The following SLC39A14 variants were observed in gnomAD, a reference collection of about 807,000 sequenced individuals.
SLC39A14 encodes the protein metal cation symporter ZIP14.
Under a neutral mutation model 45.5 loss-of-function variants are expected in SLC39A14, and 19 were observed. The ratio of observed to expected loss-of-function variants is 0.42; its 90% CI spans 0.29 to 0.61. The LOEUF is 0.61. Ranked by LOEUF, SLC39A14 falls within the 20% of genes least tolerant of loss-of-function variation. The pLI, the probability that SLC39A14 is intolerant of heterozygous loss-of-function variation, is 0.22. For synonymous variants in SLC39A14, 264 were observed against 251.3 expected (o/e 1.05, Z -0.48); for missense variants, 447 against 616.5 (o/e 0.73, Z 2.91).
At chr8:22,431,012 G>T (rs1390690638) in intron 8 of SLC39A14, among the ~76,000 whole-genome samples, 1 of 144,852 alleles carries the variant, frequency 6.9e-6, no homozygotes, top group African/African-American at 2.6e-5. Flanking sequence ...TTTTTTGATG[G>T]AGTCTCCCTC....
At chr8:22,397,899 G>C (rs761346992) in intron 1 of SLC39A14, among the ~76,000 whole-genome samples, 5 of 152,218 alleles carry the variant, frequency 3.3e-5, no homozygotes, top group African/African-American at 9.7e-5. Context: ...AACCCCAAGA[G>C]AGTGGTGGGA....
At chr8:22,425,287 T>G (rs1836365353), downstream of SLC39A14, among the ~76,000 whole-genome samples, 1 of 152,230 alleles carries the variant, frequency 6.6e-6, no homozygotes, top group African/African-American at 2.4e-5. Context: ...TAGCCATCTC[T>G]TTGTAATACT....
intron 1 of SLC39A14, among the ~76,000 whole-genome samples, chr8:22,382,134 T>C (rs1010966926): frequency 2.0e-5 from 3 of 151,924 alleles, no homozygotes; most frequent in African/African-American, 7.3e-5. Flanking sequence ...AGAGTGAGAC[T>C]CTGTCTCAAA....
At chr8:22,406,399 G>A (rs574736083) in intron 2 of SLC39A14, among the ~76,000 whole-genome samples, 2 of 150,748 alleles carry the variant, frequency 1.3e-5, no homozygotes. Context: ...CAAAAGTTGG[G>A]GGGGAGGAGC....
chr8:22,382,226 CGTT>C (rs1833553050), intron 1 of SLC39A14, among the ~76,000 whole-genome samples: 1 of 151,962 alleles, frequency 6.6e-6, no homozygotes, highest in Admixed American at 6.6e-5. Context: ...AAACCTAAAA[CGTT>C]GATAATCAAA....
At chr8:22,425,028 CAA>C (rs71544902), downstream of SLC39A14, among the ~76,000 whole-genome samples, 1,956 of 74,304 alleles carry the variant, frequency 0.026, 26 homozygotes, top group African/African-American at 0.084. Context: ...GACTCCGTCT[CAA>C]AAAAAAAAAA....
At chr8:22,404,623 T>G (rs1463828115) in intron 1 of SLC39A14, 73 bp from the exon 2 acceptor site, 1 of 1,418,590 alleles carries the variant, frequency 7.0e-7, no homozygotes, top group East Asian at 2.3e-5. Flanking sequence ...GTTCAGTGTG[T>G]GGCGGGCGGG....
At chr8:22,368,521 ATTTTATTTTATTTTATTGTATTT>A (rs1170956657) in intron 1 of SLC39A14, among the ~76,000 whole-genome samples, 16 of 33,464 alleles carry the variant, frequency 4.8e-4, no homozygotes, top group African/African-American at 3.4e-3. Flanking sequence ...ATTTTATTTT[ATTTTATTTTATTTTATTGTATTT>A]TATTTTATTT....
At chr8:22,390,939 G>T (rs1834039306) in intron 1 of SLC39A14, among the ~76,000 whole-genome samples, 2 of 152,118 alleles carry the variant, frequency 1.3e-5, no homozygotes, top group Non-Finnish European at 2.9e-5. Flanking sequence ...TGGATCCTGG[G>T]ACATGCATTT....
chr8:22,432,825 T>G (rs1464070210), intron 8 of SLC39A14, among the ~76,000 whole-genome samples: 2 of 150,184 alleles, frequency 1.3e-5, no homozygotes, highest in African/African-American at 2.4e-5. Context: ...TTTGTTTTTT[T>G]TTTTTTTTTG....
At chr8:22,412,497 ATGT>A (rs1410544141) in intron 4 of SLC39A14, among the ~76,000 whole-genome samples, 1 of 152,106 alleles carries the variant, frequency 6.6e-6, no homozygotes, top group Non-Finnish European at 1.5e-5. Flanking sequence ...CCTCAGGATG[ATGT>A]TGTGAGGGTG....
chr8:22,424,953 C>G (rs368390844), downstream of SLC39A14, among the ~76,000 whole-genome samples: 1 of 140,692 alleles, frequency 7.1e-6, no homozygotes, highest in Non-Finnish European at 1.5e-5. Context: ...CACTTGAACC[C>G]GGGAGGCAGA....
At chr8:22,418,499 GT>G in intron 8 of SLC39A14, among the ~76,000 whole-genome samples, 1 of 151,580 alleles carries the variant, frequency 6.6e-6, no homozygotes, top group East Asian at 1.9e-4. Context: ...ACTTTGGTTT[GT>G]TTCTTTTTTT....
Position 22,433,165 on chromosome 8 carries a change from A to T in SLC39A14, c.1333-726A>T, listed in dbSNP as rs187787275. On this transcript the variant is annotated intron_variant, in intron 8 of 8. Transcript: ENST00000240095. ...CACAGAAAATTGGAAAGATAAAGAA[A>T]TTTTTTTTATTACACCACCAAGTGA... Among the ~76,000 whole-genome samples, 4 of 151,898 alleles carry T rather than the reference A, an allele frequency of 2.6e-5. No individual in the cohort carries two copies. The East Asian group carries it at 5.8e-4, about 22-fold the overall frequency.
intron 1 of SLC39A14, among the ~76,000 whole-genome samples, chr8:22,374,110 A>C (rs181256970): frequency 2.8e-4 from 43 of 152,332 alleles, no homozygotes; most frequent in African/African-American, 1.0e-3. Context: ...CATTTAAATA[A>C]ATAGAACCTG....
At chr8:22,392,441 A>G (rs528737286) in intron 1 of SLC39A14, among the ~76,000 whole-genome samples, 2 of 152,180 alleles carry the variant, frequency 1.3e-5, no homozygotes, top group East Asian at 3.9e-4. Context: ...CTTTCTATTT[A>G]TTTATCTGAT....
intron 4 of SLC39A14, among the ~76,000 whole-genome samples, chr8:22,413,809 C>CT (rs1835719297): frequency 6.6e-6 from 1 of 152,210 alleles, no homozygotes. Flanking sequence ...CAGTCTCACT[C>CT]TGTCACCCAG....
At chr8:22,416,644 C>G (rs1405535977) in intron 7 of SLC39A14, among the ~76,000 whole-genome samples, 1 of 151,278 alleles carries the variant, frequency 6.6e-6, no homozygotes, top group African/African-American at 2.4e-5. Flanking sequence ...ACTACGTTGG[C>G]CAGGCTGGTC....
At chr8:22,398,797 G>T (rs7833302) in intron 1 of SLC39A14, 1 of 978,000 alleles carries the variant, frequency 1.0e-6, no homozygotes, top group South Asian at 4.7e-5. Flanking sequence ...GAAGGGTGAC[G>T]GTAGGTGGAA....
Sources: gnomAD v4.1 joint callset for allele counts (sites outside exome capture counted in the v4.1 genomes callset) on GRCh38, gnomAD v4.1.1 for gene constraint, MANE v1.5 for transcripts, NCBI Gene and HGNC (gene_info 2026-07-23, HGNC 2026-07-21) for gene names.